The following KIAA0513 variants were observed in gnomAD, a reference collection of about 807,000 sequenced individuals.
The protein encoded by KIAA0513 is uncharacterized protein KIAA0513.
KIAA0513 carries 39 observed loss-of-function variants against 56.5 expected under a neutral mutation model. The ratio of observed to expected loss-of-function variants is 0.69; its 90% confidence interval spans 0.53 to 0.90. KIAA0513 has a LOEUF of 0.90. KIAA0513 is among the 40% of genes least tolerant of loss of function. KIAA0513 has a pLI of 0.00. For synonymous variants in KIAA0513, 268 were observed against 215.6 expected (o/e 1.24, Z -2.13); for missense variants, 591 against 535.2 (o/e 1.10, Z -1.03).
intron 7 of KIAA0513, among the ~76,000 whole-genome samples, chr16:85,078,699 G>A (rs776832530): frequency 4.0e-4 from 61 of 152,242 alleles, no homozygotes; most frequent in Non-Finnish European, 8.1e-4. Context: ...TTACTGCGAG[G>A]GGCTGTGGCC....
intron 8 of KIAA0513, among the ~76,000 whole-genome samples, chr16:85,080,987 C>T (rs911350957): frequency 2.0e-5 from 3 of 152,180 alleles, no homozygotes; most frequent in African/African-American, 4.8e-5. Flanking sequence ...AAGAAGAAAA[C>T]GACCCACCTC....
intron 1 of KIAA0513, among the ~76,000 whole-genome samples, chr16:85,049,889 T>C (rs562309073): frequency 2.0e-5 from 3 of 152,290 alleles, no homozygotes; most frequent in Non-Finnish European, 4.4e-5. Flanking sequence ...AGTGTGGCTG[T>C]CTCCATGCCA....
Position 85,089,176 on chromosome 16 carries a change from G to A in KIAA0513, c.*851G>A, listed in dbSNP as rs1378207811. The stretch of plus-strand genomic sequence containing the variant: ...CTGTGTGTCCCTCGCAAGAAGCACA[G>A]GAAAGAGAAGTTTCTTTAGTAGCCA... On this transcript the variant is annotated 3_prime_UTR_variant, in exon 13 of 13. Transcript: ENST00000683363. This position sits in a 1 kb window ranked among gnomAD's most constrained non-coding sequence, Gnocchi z 4.2. 6.6e-6 allele frequency: 1 copy of A among 152,280 alleles called. No homozygotes were observed. Among genetic ancestry groups the A allele is most frequent in the East Asian group, 1.9e-4 (1 of 5,196 alleles). 9.4% of individuals were successfully genotyped at this position (152,280 alleles called of 1,614,324 possible). A position where few individuals can be genotyped will look rare whatever the true frequency, so the allele number is the denominator to read the frequency against.
At chr16:85,046,839 T>A (rs923563766) in intron 1 of KIAA0513, among the ~76,000 whole-genome samples, 9 of 152,222 alleles carry the variant, frequency 5.9e-5, no homozygotes, top group Admixed American at 5.9e-4. Flanking sequence ...ATTCCCTTTA[T>A]GTTAAGAATA....
intron 1 of KIAA0513, among the ~76,000 whole-genome samples, chr16:85,028,434 C>G (rs1307875075): frequency 6.6e-6 from 1 of 152,148 alleles, no homozygotes; most frequent in Non-Finnish European, 1.5e-5. Flanking sequence ...CCACCCCTGT[C>G]CATTCTGCGT....
At chr16:85,028,074 G>T (rs1372731689) in intron 1 of KIAA0513, among the ~76,000 whole-genome samples, 1 of 152,150 alleles carries the variant, frequency 6.6e-6, no homozygotes, top group Non-Finnish European at 1.5e-5. Flanking sequence ...CGGGCTCCTC[G>T]CCTGCTGGGA....
rs1287159120 is a variant in KIAA0513 at position 85,079,824 on chromosome 16, C to T, written c.902+821C>T. ...CTAATTAAGCTCTTACATATATATA[C>T]GTGAATGGAGGTCATGGTTGAAGTG... On this transcript the variant is annotated intron_variant, in intron 8 of 12. Transcript: ENST00000683363. The T allele has an allele frequency of 3.9e-5, 6 of 152,180 alleles. No individual in the cohort carries two copies. The South Asian group carries it at 6.2e-4, about 16-fold the overall frequency. 9.4% of individuals were successfully genotyped at this position (152,180 alleles called of 1,614,324 possible). A position where few individuals can be genotyped will look rare whatever the true frequency, so the allele number is the denominator to read the frequency against.
At chr16:85,053,119 C>A (rs1341264286) in intron 1 of KIAA0513, among the ~76,000 whole-genome samples, 1 of 152,156 alleles carries the variant, frequency 6.6e-6, no homozygotes, top group Non-Finnish European at 1.5e-5. Context: ...GAACTCCTGA[C>A]CTCAGGTGAT....
chr16:85,069,935 C>T (rs966665709), intron 2 of KIAA0513, among the ~76,000 whole-genome samples: 3 of 151,622 alleles, frequency 2.0e-5, no homozygotes, highest in East Asian at 1.9e-4. Context: ...GAGGCTGAGG[C>T]GGGCAGGTCG....
At chr16:85,083,324 C>A (rs979360948) in intron 10 of KIAA0513, among the ~76,000 whole-genome samples, 2 of 152,162 alleles carry the variant, frequency 1.3e-5, no homozygotes, top group Non-Finnish European at 2.9e-5. Flanking sequence ...GTCCCTGAGA[C>A]GATGGCTCTT....
intron 2 of KIAA0513, among the ~76,000 whole-genome samples, chr16:85,070,749 T>C (rs1237378552): frequency 6.6e-6 from 1 of 152,244 alleles, no homozygotes; most frequent in Non-Finnish European, 1.5e-5. Context: ...AGATGTAGCT[T>C]CCTACTCGTT....
Position 85,067,406 on chromosome 16 carries a change from G to A in KIAA0513, c.329+6G>A, listed in dbSNP as rs1182850041. ...GAGAAGATCTTCTCTGGAGGGTAAG[G>A]GGCCTGTGTGGACGAGACAGCCTGG... On this transcript the variant is annotated splice_donor_region_variant and intron_variant, in intron 2 of 12. Transcript: ENST00000683363. 3.1e-6 allele frequency: 5 copies of A among 1,590,678 alleles called. No individual in the cohort carries two copies. The highest frequency in any genetic ancestry group is 4.3e-6 in the Non-Finnish European group (5 of 1,174,218).
intron 1 of KIAA0513, among the ~76,000 whole-genome samples, chr16:85,044,868 C>T (rs2073150642): frequency 1.3e-5 from 2 of 152,050 alleles, no homozygotes; most frequent in East Asian, 2.0e-4. Flanking sequence ...CCTGTAATCC[C>T]AGCACTTTGG....
At chr16:85,077,114 C>A (rs956698574) in intron 5 of KIAA0513, among the ~76,000 whole-genome samples, 1 of 152,196 alleles carries the variant, frequency 6.6e-6, no homozygotes, top group African/African-American at 2.4e-5. Flanking sequence ...ATGGTCGGGC[C>A]TCTGCCCTCG....
At chr16:85,084,155 G>C (rs1174993996) in intron 10 of KIAA0513, among the ~76,000 whole-genome samples, 1 of 150,298 alleles carries the variant, frequency 6.7e-6, no homozygotes, top group Non-Finnish European at 1.5e-5. Context: ...TCCATCTCCT[G>C]GGTTCAAGCG....
chr16:85,043,359 C>G (rs1372332901), intron 1 of KIAA0513, among the ~76,000 whole-genome samples: 1 of 150,796 alleles, frequency 6.6e-6, no homozygotes, highest in Non-Finnish European at 1.5e-5. Context: ...CCTTCTCAAA[C>G]AGGGCATGAG....
At chr16:85,083,537 C>T (rs561044260) in intron 10 of KIAA0513, among the ~76,000 whole-genome samples, 342 of 152,302 alleles carry the variant, frequency 2.2e-3, no homozygotes, top group Non-Finnish European at 3.1e-3. Context: ...CTTCCAGGAA[C>T]GAGTCAGCCC....
In KIAA0513 at chr16:85,079,021, G is replaced by T. The variant is rs747323747; in HGVS notation, c.902+18G>T. 1.2e-6 allele frequency: 2 copies of T among 1,613,916 alleles called. No individual in the cohort carries two copies. Among genetic ancestry groups the T allele is most frequent in the Non-Finnish European group, 1.7e-6 (2 of 1,179,902 alleles). On this transcript the variant is annotated intron_variant, in intron 8 of 12. Transcript: ENST00000683363. The stretch of plus-strand genomic sequence containing the variant: ...CCCATCTGGTAAGGCCGAGCCCGCG[G>T]CTTCCCGTCACCCTCTTACTGACGG...
rs1157713313 is a variant in KIAA0513, at chr16:85,091,753, A to G, written c.*3428A>G. On this transcript the variant is annotated 3_prime_UTR_variant, in exon 13 of 13. Coordinates refer to ENST00000683363, the MANE Select transcript of KIAA0513 (RefSeq NM_001388359.1). Reference sequence around the variant, plus strand: ...GGAGCTGTGAGATTCGCTTTTCCCTAGGCTGTTCCGCGTGGGTTACCTTAT... The same window carrying G: ...GGAGCTGTGAGATTCGCTTTTCCCTGGGCTGTTCCGCGTGGGTTACCTTAT... 1.3e-5 allele frequency: 2 copies of G among 152,160 alleles called. No individual in the cohort carries two copies. Among genetic ancestry groups the G allele is most frequent in the Non-Finnish European group, 2.9e-5 (2 of 68,064 alleles). The allele number at this position is 152,160 out of a possible 1,614,324, so 9.4% of individuals were successfully genotyped here.
Sources: gnomAD v4.1 joint callset for allele counts (sites outside exome capture counted in the v4.1 genomes callset) on GRCh38, gnomAD v4.1.1 for gene constraint, Gnocchi (gnomAD v3.1) non-coding constraint, MANE v1.5 for transcripts, NCBI Gene and HGNC (gene_info 2026-07-23, HGNC 2026-07-21) for gene names.